UBE2N: variants seen among roughly 807,000 people sequenced by gnomAD.
The protein encoded by UBE2N is ubiquitin conjugating enzyme E2 N, also known as ubiquitin-conjugating enzyme E2 N.
For synonymous variants in UBE2N, 70 were observed against 69.2 expected (o/e 1.01, Z -0.06); for missense variants, 60 against 192.1 (o/e 0.31, Z 4.07).
At chr12:93,414,059 G>A (rs1878118798) in intron 1 of UBE2N, among the ~76,000 whole-genome samples, 1 of 151,884 alleles carries the variant, frequency 6.6e-6, no homozygotes, top group South Asian at 2.1e-4. Context: ...TACTCGGGAG[G>A]CTGAGGCAGG....
At chr12:93,429,556 T>C (rs1039016942) in intron 1 of UBE2N, among the ~76,000 whole-genome samples, 6 of 143,988 alleles carry the variant, frequency 4.2e-5, no homozygotes, top group Non-Finnish European at 7.5e-5. Context: ...GTATTCCTTC[T>C]GCTTGTTAAA....
intron 1 of UBE2N, among the ~76,000 whole-genome samples, chr12:93,415,222 A>G (rs1878169293): frequency 6.6e-6 from 1 of 152,242 alleles, no homozygotes; most frequent in Non-Finnish European, 1.5e-5. Context: ...CCTAAAAAAA[A>G]ATACATCATA....
Position 93,409,713 on chromosome 12 carries a change from C to T in UBE2N, c.*326G>A, listed in dbSNP as rs143190704. On this transcript the variant is annotated 3_prime_UTR_variant, in exon 4 of 4. Transcript: ENST00000318066. Reference sequence around the variant, plus strand: ...AAATAAAATAAAAACACCCACACCCCTGCAGCTAACCTGACAACTACCTTC... The same window carrying T: ...AAATAAAATAAAAACACCCACACCCTTGCAGCTAACCTGACAACTACCTTC... The T allele has an allele frequency of 4.5e-3, 1,084 of 239,522 alleles. 3 individuals carry two copies. Among genetic ancestry groups the T allele is most frequent in the Non-Finnish European group, 7.1e-3 (829 of 116,552 alleles). The allele number at this position is 239,522 out of a possible 1,614,324, so 14.8% of individuals were successfully genotyped here.
intron 1 of UBE2N, among the ~76,000 whole-genome samples, chr12:93,423,007 T>G (rs899212068): frequency 6.6e-6 from 1 of 152,244 alleles, no homozygotes. Flanking sequence ...GTTGGTAGTA[T>G]GCATCCAGCA....
chr12:93,417,528 C>T (rs542399551), intron 1 of UBE2N, among the ~76,000 whole-genome samples: 1 of 152,248 alleles, frequency 6.6e-6, no homozygotes, highest in East Asian at 1.9e-4. Context: ...AAAGTTGGTC[C>T]AGTTAGTAAC....
chr12:93,433,217 G>C (rs1042604375), intron 1 of UBE2N, among the ~76,000 whole-genome samples: 20 of 152,154 alleles, frequency 1.3e-4, no homozygotes, highest in African/African-American at 4.8e-4. Flanking sequence ...ACAGGCGTGA[G>C]CCACCGCGCC....
intron 1 of UBE2N, among the ~76,000 whole-genome samples, chr12:93,413,395 T>G (rs527470727): frequency 6.6e-6 from 1 of 152,158 alleles, no homozygotes; most frequent in African/African-American, 2.4e-5. Context: ...AGTGATCTCA[T>G]GTAATGCAAT....
intron 1 of UBE2N, among the ~76,000 whole-genome samples, chr12:93,424,102 T>TA (rs1372302545): frequency 1.4e-4 from 21 of 152,326 alleles, no homozygotes; most frequent in African/African-American, 4.8e-4. Flanking sequence ...AAAAACAGTT[T>TA]AATATGTTTA....
At chr12:93,429,539 T>TTA (rs890367034) in intron 1 of UBE2N, among the ~76,000 whole-genome samples, 1 of 150,990 alleles carries the variant, frequency 6.6e-6, no homozygotes, top group African/African-American at 2.4e-5. Flanking sequence ...ATTGATTATT[T>TTA]TAGAGTGTAT....
chr12:93,417,170 C>T (rs902372825), intron 1 of UBE2N, among the ~76,000 whole-genome samples: 7 of 152,282 alleles, frequency 4.6e-5, no homozygotes, highest in African/African-American at 1.4e-4. Context: ...GGTATCTCAT[C>T]TTATAGAACG....
At chr12:93,410,636 TC>T (rs1464921126) in intron 3 of UBE2N, 97 bp downstream of exon 3, 2 of 1,530,670 alleles carry the variant, frequency 1.3e-6, no homozygotes, top group African/African-American at 2.8e-5. Context: ...TATACTTTTT[TC>T]TATTTCTTTT....
chr12:93,440,450 C>T (rs533892154), intron 1 of UBE2N, among the ~76,000 whole-genome samples: 2 of 152,292 alleles, frequency 1.3e-5, no homozygotes, highest in African/African-American at 4.8e-5. Context: ...AGAATTTCTA[C>T]CATACAAAAA....
chr12:93,425,145 T>C (rs992390776), intron 1 of UBE2N, among the ~76,000 whole-genome samples: 1 of 152,188 alleles, frequency 6.6e-6, no homozygotes, highest in Non-Finnish European at 1.5e-5. Flanking sequence ...GCTAGATTAG[T>C]ATATTAAGCA....
intron 1 of UBE2N, among the ~76,000 whole-genome samples, chr12:93,439,016 C>CA (rs1323366751): frequency 6.6e-6 from 1 of 152,146 alleles, no homozygotes; most frequent in African/African-American, 2.4e-5. Context: ...GTCTAGTTCA[C>CA]AAAAATGTCT....
At position 93,406,929 on chromosome 12, in the gene UBE2N, C is replaced by T. The variant is rs1160746720; in HGVS notation, c.*3110G>A. ...AAGGATAACTAGAGCAGAAGCAAAT[C>T]GCAGCGAAGTAGACTACAACAATCA... is the stretch of plus-strand genomic sequence containing the variant. On this transcript the variant is annotated 3_prime_UTR_variant, in exon 4 of 4. Transcript: ENST00000318066. The T allele has an allele frequency of 1.3e-5, 2 of 152,186 alleles. No homozygotes were observed. Among genetic ancestry groups the T allele is most frequent in the Non-Finnish European group, 2.9e-5 (2 of 68,036 alleles). The allele number at this position is 152,186 out of a possible 1,614,324, so 9.4% of individuals were successfully genotyped here.
chr12:93,429,269 CAAAAA>C, intron 1 of UBE2N: 2 of 296,252 alleles, frequency 6.8e-6, no homozygotes, highest in Non-Finnish European at 1.2e-5. Context: ...GACTCTGTCT[CAAAAA>C]AAAAAAAAGA....
At chr12:93,439,444 A>T (rs1276805034) in intron 1 of UBE2N, among the ~76,000 whole-genome samples, 1 of 152,232 alleles carries the variant, frequency 6.6e-6, no homozygotes, top group East Asian at 1.9e-4. Context: ...CTGCCACTGC[A>T]CTGCAGCCTG....
Position 93,409,116 on chromosome 12 carries a change from A to C in UBE2N, c.*923T>G, listed in dbSNP as rs1877955255. On this transcript the variant is annotated 3_prime_UTR_variant, in exon 4 of 4. Coordinates refer to ENST00000318066, the MANE Select transcript of UBE2N (RefSeq NM_003348.4). The stretch of plus-strand genomic sequence containing the variant: ...TATTTCAAATTCCTAGAAGGTTAAA[A>C]AAAGGTCAGATACTGATGCTTTATG... The C allele has an allele frequency of 6.6e-6, 1 of 152,664 alleles. No homozygotes were observed. The highest frequency in any genetic ancestry group is 2.4e-5 in the African/African-American group (1 of 41,464). The allele number at this position is 152,664 out of a possible 1,614,324, so 9.5% of individuals were successfully genotyped here. A position where few individuals can be genotyped will look rare whatever the true frequency, so the allele number is the denominator to read the frequency against.
At chr12:93,418,501 TATA>T (rs1274988530) in intron 1 of UBE2N, among the ~76,000 whole-genome samples, 1 of 136,738 alleles carries the variant, frequency 7.3e-6, no homozygotes, top group African/African-American at 3.7e-5. Context: ...CTTAGAAACA[TATA>T]ATGTCTCATT....
Sources: gnomAD v4.1 joint callset for allele counts (sites outside exome capture counted in the v4.1 genomes callset) on GRCh38, gnomAD v4.1.1 for gene constraint, MANE v1.5 for transcripts, NCBI Gene and HGNC (gene_info 2026-07-23, HGNC 2026-07-21) for gene names.